GALNT13: variants seen among roughly 807,000 people sequenced by gnomAD.
GALNT13 encodes the protein polypeptide N-acetylgalactosaminyltransferase 13, also known as UDP-GalNAc:polypeptide N-acetylgalactosaminyltransferase 13.
In GALNT13, 28 loss-of-function variants were observed where a neutral mutation model predicts 64.2. The ratio of observed to expected loss-of-function variants is 0.44; its 90% CI spans 0.32 to 0.60. The LOEUF (loss-of-function observed/expected upper bound fraction) is 0.60. Among genes scored for constraint, GALNT13 ranks in the 20% least tolerant of loss-of-function variants. The probability of loss-of-function intolerance (pLI) is 0.05; values close to 1 mark genes in which losing one functional copy is unlikely to be tolerated. For missense variants in GALNT13, 577 were observed against 669.8 expected, an observed-to-expected ratio of 0.86 and a Z score of 1.53; for synonymous variants, 214 against 224.6, an observed-to-expected ratio of 0.95 and a Z score of 0.42.
chr2:153,168,999 G>T, the GALNT13 span, among the ~76,000 whole-genome samples: 28 of 132,032 alleles, frequency 2.1e-4, no homozygotes, highest in Non-Finnish European at 3.8e-4. Context: ...TAGCAACAAA[G>T]TTGGAACTAT....
intron 12 of GALNT13, among the ~76,000 whole-genome samples, chr2:154,442,949 G>A (rs1701377497): frequency 6.6e-6 from 1 of 152,072 alleles, no homozygotes; most frequent in African/African-American, 2.4e-5. Flanking sequence ...AATTTCCAGA[G>A]TCACAATATA....
rs17618991 is a variant in GALNT13, at chr2:153,952,033, G to C, written c.142+7394G>C. Among the ~76,000 whole-genome samples, 8,740 of 152,200 alleles carry C rather than the reference G, an allele frequency of 0.057. 1,213 individuals carry two copies. The East Asian group carries it at 0.62, about 11-fold the overall frequency. On this transcript the variant is annotated intron_variant, in intron 3 of 12. Coordinates refer to ENST00000392825, the MANE Select transcript of GALNT13 (RefSeq NM_052917.4). ...CTGCTCTTGGGCAACATAAGTACTT[G>C]TTAGGGGATGATATTAACCCTTTCG...
At chr2:153,149,785 G>A in the GALNT13 span, among the ~76,000 whole-genome samples, 2 of 151,730 alleles carry the variant, frequency 1.3e-5, no homozygotes, top group East Asian at 1.9e-4. Flanking sequence ...TGTTAATACG[G>A]TATATCTCAT....
chr2:153,705,721 G>T, the GALNT13 span, among the ~76,000 whole-genome samples: 1 of 152,120 alleles, frequency 6.6e-6, no homozygotes, highest in East Asian at 1.9e-4. Context: ...ACATTGTATT[G>T]TCAAAGCAAG....
the GALNT13 span, among the ~76,000 whole-genome samples, chr2:153,320,288 T>C: frequency 6.6e-6 from 1 of 152,234 alleles, no homozygotes; most frequent in African/African-American, 2.4e-5. Context: ...TCATTCATCC[T>C]TTTAAACAGT....
intron 4 of GALNT13, among the ~76,000 whole-genome samples, chr2:154,224,898 G>A (rs1688507111): frequency 6.6e-6 from 1 of 152,082 alleles, no homozygotes; most frequent in Non-Finnish European, 1.5e-5. Flanking sequence ...AACATTTTAT[G>A]TAGCAAAGCA....
At chr2:153,302,398 G>T in the GALNT13 span, among the ~76,000 whole-genome samples, 1 of 151,882 alleles carries the variant, frequency 6.6e-6, no homozygotes, top group African/African-American at 2.4e-5. Context: ...TTAAATCAGG[G>T]TTTTGTTTTT....
the GALNT13 span, among the ~76,000 whole-genome samples, chr2:153,748,854 T>C: frequency 6.6e-6 from 1 of 151,894 alleles, no homozygotes; most frequent in Non-Finnish European, 1.5e-5. Flanking sequence ...TCCACCCTTA[T>C]TATAATGATA....
the GALNT13 span, among the ~76,000 whole-genome samples, chr2:153,138,483 T>A: frequency 6.6e-6 from 1 of 152,048 alleles, no homozygotes; most frequent in Admixed American, 6.6e-5. Context: ...GTCTTTCAGA[T>A]CCCTGGTTTT....
the GALNT13 span, among the ~76,000 whole-genome samples, chr2:153,735,159 A>G: frequency 6.6e-6 from 1 of 152,120 alleles, no homozygotes; most frequent in African/African-American, 2.4e-5. Flanking sequence ...AGTTTAATTA[A>G]TATACATGGG....
At chr2:153,805,078 A>G in the GALNT13 span, among the ~76,000 whole-genome samples, 53 of 152,060 alleles carry the variant, frequency 3.5e-4, no homozygotes, top group African/African-American at 1.2e-3. Context: ...ATATATATGA[A>G]TTGTTAGATA....
At chr2:153,708,790 A>T in the GALNT13 span, among the ~76,000 whole-genome samples, 1 of 152,152 alleles carries the variant, frequency 6.6e-6, no homozygotes, top group Non-Finnish European at 1.5e-5. Flanking sequence ...TGTTTTATAA[A>T]CATAGGCACA....
chr2:153,565,344 T>TC, the GALNT13 span, among the ~76,000 whole-genome samples: 1 of 152,126 alleles, frequency 6.6e-6, no homozygotes, highest in African/African-American at 2.4e-5. Flanking sequence ...CAGGCTTTTT[T>TC]CCAAATACGT....
the GALNT13 span, among the ~76,000 whole-genome samples, chr2:153,557,818 C>G: frequency 1.3e-5 from 2 of 152,158 alleles, no homozygotes; most frequent in African/African-American, 4.8e-5. Flanking sequence ...TCCCTCTGGT[C>G]TTTGTACTTA....
At chr2:154,421,550 T>C (rs1030974290) in intron 11 of GALNT13, among the ~76,000 whole-genome samples, 6 of 152,108 alleles carry the variant, frequency 3.9e-5, no homozygotes, top group Non-Finnish European at 7.4e-5. Flanking sequence ...ATCTGAGATA[T>C]CATGAGATTG....
the GALNT13 span, among the ~76,000 whole-genome samples, chr2:153,593,628 T>C: frequency 6.6e-6 from 1 of 152,154 alleles, no homozygotes; most frequent in African/African-American, 2.4e-5. Flanking sequence ...CATGGTGGAA[T>C]GAGGTGTAGG....
chr2:153,402,801 G>A, the GALNT13 span, among the ~76,000 whole-genome samples: 1 of 151,950 alleles, frequency 6.6e-6, no homozygotes, highest in Non-Finnish European at 1.5e-5. Flanking sequence ...GCACTTCTCT[G>A]TATTGGTTAT....
At chr2:153,094,870 C>T in the GALNT13 span, among the ~76,000 whole-genome samples, 5 of 152,128 alleles carry the variant, frequency 3.3e-5, no homozygotes, top group Admixed American at 6.6e-5. Flanking sequence ...TTCCTTACAC[C>T]TTATACAAAA....
chr2:153,102,781 T>C, the GALNT13 span, among the ~76,000 whole-genome samples: 1 of 152,128 alleles, frequency 6.6e-6, no homozygotes, highest in South Asian at 2.1e-4. Flanking sequence ...TGTCAAATAG[T>C]ATACTAAAAC....
Sources: allele counts gnomAD v4.1 joint callset (sites outside exome capture counted in the v4.1 genomes callset), GRCh38; gene constraint gnomAD v4.1.1; transcripts MANE v1.5; gene names NCBI Gene and HGNC (gene_info 2026-07-23, HGNC 2026-07-21).